The following RNF213 variants were observed in gnomAD, a reference collection of about 807,000 sequenced individuals.
RNF213 encodes the protein E3 ubiquitin-protein ligase RNF213.
RNF213 carries 341 observed loss-of-function variants against 514.4 expected under a neutral mutation model. That is an observed-to-expected ratio of 0.66 (90% CI 0.61 to 0.73). The LOEUF (loss-of-function observed/expected upper bound fraction) is 0.73. RNF213 is among the 30% of genes least tolerant of loss of function. The probability of loss-of-function intolerance (pLI) is 0.00; values close to 1 mark genes in which losing one functional copy is unlikely to be tolerated. For missense variants in RNF213, 5,767 were observed against 6,615.6 expected (o/e 0.87, Z 4.45); for synonymous variants, 2,655 against 2,658.2 (o/e 1.00, Z 0.04).
rs994692875 is a variant in RNF213 at position 80,264,019 on chromosome 17, TCCGTCCCTCGTTCAGGC to T, written c.97+245_97+261del. The stretch of plus-strand genomic sequence containing the variant: ...AGCCAGGGGACCACCACCCAGTGCT[TCCGTCCCTCGTTCAGGC>T]CCGGCCTGAGTGAGCCCACCCGAGT... On this transcript the variant is annotated intron_variant, in intron 2 of 67. Coordinates refer to ENST00000582970, the MANE Select transcript of RNF213 (RefSeq NM_001256071.3). The surrounding 1 kb of genome is among the most constrained non-coding windows in gnomAD (Gnocchi z 5.0). Among the ~76,000 whole-genome samples, 32 of 152,286 alleles carry T rather than the reference TCCGTCCCTCGTTCAGGC, an allele frequency of 2.1e-4. No individual in the cohort carries two copies. The highest frequency in any genetic ancestry group is 1.0e-3 in the South Asian group (5 of 4,824).
chr17:80,287,585 C>T (rs193072671), intron 3 of RNF213, among the ~76,000 whole-genome samples: 8 of 152,328 alleles, frequency 5.3e-5, no homozygotes, highest in Admixed American at 4.6e-4. Flanking sequence ...CGGCCGTGAC[C>T]GTGCCGAGTG....
At position 80,353,633 on chromosome 17, in the gene RNF213, G is replaced by A; in HGVS notation, c.10545G>A (p.Val3515=). The change falls in exon 34 of 68, where the codon GTG becomes GTA. Residue 3515 remains valine, a synonymous_variant. Coordinates refer to ENST00000582970, the MANE Select transcript of RNF213 (RefSeq NM_001256071.3). The surrounding 1 kb of genome is among the most constrained non-coding windows in gnomAD (Gnocchi z 5.0). ...TGGAAACAGAAAGTTCTGAGAAGGT[G>A]GGAAAGGAAACCTCTGAACTCGGAG... is the stretch of plus-strand genomic sequence containing the variant. ...EAMETESSEK[V]GKETSELGGS... is the part of the protein sequence containing the mutation. 1 of 1,614,190 alleles carries A rather than the reference G, an allele frequency of 6.2e-7. No homozygotes were observed.
In RNF213 at chr17:80,360,054, A is replaced by AT. The variant is rs573580511; in HGVS notation, c.11055-5dup. The AT allele has an allele frequency of 1.1e-4, 177 of 1,613,778 alleles. No homozygotes were observed. In the Middle Eastern group the frequency reaches 1.6e-3, roughly 15 times the overall value. The stretch of plus-strand genomic sequence containing the variant: ...CCCTCTTCTTATCATCCCTCACCTT[A>AT]TTGCAGACATAAAGGTGAGATGGCC... On this transcript the variant is annotated splice_polypyrimidine_tract_variant and splice_region_variant and intron_variant, in intron 37 of 67. Transcript: ENST00000582970.
chr17:80,315,723 G>C (rs1190431679), intron 15 of RNF213: 6 of 149,112 alleles, frequency 4.0e-5, no homozygotes, highest in African/African-American at 1.5e-4. Context: ...TGATGGTGGA[G>C]GTACTGGAGG....
chr17:80,378,613 G>A (rs1358042118), intron 54 of RNF213, among the ~76,000 whole-genome samples: 1 of 152,148 alleles, frequency 6.6e-6, no homozygotes, highest in African/African-American at 2.4e-5. Flanking sequence ...ACTGTGCCCA[G>A]CCTGATACAC....
rs2080236217 is a variant in RNF213, at chr17:80,386,380, A to G, written c.14670A>G (p.Leu4890=). 1.2e-6 allele frequency: 2 copies of G among 1,614,184 alleles called. No individual in the cohort carries two copies. The highest frequency in any genetic ancestry group is 1.7e-5 in the Admixed American group (1 of 60,024). ...CTCTCGTCAGCTACTTGATTCGCCTACACAATGAAATTGTCTACGCCGTGG... is the reference window on the plus strand; with the variant it reads ...CTCTCGTCAGCTACTTGATTCGCCTGCACAATGAAATTGTCTACGCCGTGG... ...ATALVSYLIR[L]HNEIVYAVEK... The change falls in exon 62 of 68, where the codon CTA becomes CTG. Residue 4890 remains leucine (L), a synonymous_variant. Coordinates refer to ENST00000582970, the MANE Select transcript of RNF213 (RefSeq NM_001256071.3).
At chr17:80,328,576 GA>G in intron 20 of RNF213, 99 bp downstream of exon 20, 10 of 1,281,574 alleles carry the variant, frequency 7.8e-6, no homozygotes, top group Non-Finnish European at 1.0e-5. Flanking sequence ...ATTTTGGAGA[GA>G]AGGCTTTAAA....
Position 80,386,264 on chromosome 17 carries a change from C to A in RNF213, c.14554C>A (p.Pro4852Thr), listed in dbSNP as rs2080231431. 1.2e-6 allele frequency: 2 copies of A among 1,609,994 alleles called. No homozygotes were observed. The highest frequency in any genetic ancestry group is 1.7e-6 in the Non-Finnish European group (2 of 1,179,944). Residue 4852 changes from proline (P) to threonine (T), a missense_variant, in exon 62 of 68, where the codon CCC becomes ACC. By Grantham distance (38) the Pro-to-Thr change is conservative. Around this residue, in one of 13 missense-constraint regions of RNF213, gnomAD observed 1,245 missense variants for 1,339.0 expected, o/e 0.93. Coordinates refer to ENST00000582970, the MANE Select transcript of RNF213 (RefSeq NM_001256071.3). ...GTCGTTTAAAGGTGAGATCAACCTACCCAAAGACTACTGCAGCACTGACTT... is the reference window on the plus strand; with the variant it reads ...GTCGTTTAAAGGTGAGATCAACCTAACCAAAGACTACTGCAGCACTGACTT... ...SLETNGEINL[P>T]KDYCSTDLDL...
chr17:80,374,163 G>T (rs540925952), intron 49 of RNF213, among the ~76,000 whole-genome samples: 2 of 152,204 alleles, frequency 1.3e-5, no homozygotes, highest in Non-Finnish European at 2.9e-5. Context: ...GACATGACTT[G>T]AGCCACCCGG....
chr17:80,276,717 C>T (rs981141750), intron 3 of RNF213, among the ~76,000 whole-genome samples: 3 of 151,560 alleles, frequency 2.0e-5, no homozygotes, highest in Non-Finnish European at 2.9e-5. Context: ...ACGCTGCAGC[C>T]GTTAAGGAAG....
chr17:80,295,998 T>C (rs2143406258), intron 10 of RNF213, among the ~76,000 whole-genome samples, 185 bp downstream of exon 10: 1 of 152,278 alleles, frequency 6.6e-6, no homozygotes, highest in South Asian at 2.1e-4. Flanking sequence ...TTTTATTATA[T>C]TCTGTCCTCT....
At position 80,373,049 on chromosome 17, in the gene RNF213, C is replaced by T. The variant is rs368452961; in HGVS notation, c.12826C>T (p.Arg4276Trp). Residue 4276 changes from arginine to tryptophan, a missense_variant, in exon 49 of 68, where the codon CGG becomes TGG. Arg to Trp is a moderately radical substitution (Grantham distance 101). This residue lies in a region of RNF213 where 1,245 missense variants were observed against 1,339.0 expected (regional missense o/e 0.93). Transcript: ENST00000582970. ...TATCCGGGTGGAGAACGACTGGCAC[C>T]GGGTGTACCTGGTGCGGAAGCTCAG... Reference protein sequence around the residue: ...FCIRVENDWHRVYLVRKLSSQ... With the variant: ...FCIRVENDWHWVYLVRKLSSQ... 1.1e-5 allele frequency: 17 copies of T among 1,613,870 alleles called. No homozygotes were observed. In the Admixed American group the frequency reaches 1.2e-4, roughly 11 times the overall value.
At chr17:80,375,160 A>C (rs1441165117) in intron 50 of RNF213, 6 of 176,246 alleles carry the variant, frequency 3.4e-5, no homozygotes, top group Non-Finnish European at 7.4e-5. Flanking sequence ...TGAAGGAGTC[A>C]GAAGAACAGA....
intron 3 of RNF213, among the ~76,000 whole-genome samples, chr17:80,275,048 T>G: frequency 9.9e-6 from 1 of 101,240 alleles, no homozygotes; most frequent in Non-Finnish European, 1.9e-5. Flanking sequence ...GTTGGGGGTG[T>G]GTGTTGGTGT....
At chr17:80,381,439 G>A (rs368110355) in intron 56 of RNF213, 108 bp from the exon 57 acceptor site, 31 of 1,190,152 alleles carry the variant, frequency 2.6e-5, no homozygotes, top group Admixed American at 2.5e-4. Flanking sequence ...CTTAGAAACC[G>A]CCTTCCGACT....
intron 16 of RNF213, among the ~76,000 whole-genome samples, chr17:80,318,858 C>G (rs2046039600): frequency 6.6e-6 from 1 of 152,210 alleles, no homozygotes; most frequent in Non-Finnish European, 1.5e-5. Flanking sequence ...CAGGCGTGAG[C>G]CACCGCGCCC....
chr17:80,348,100 A>G lies in RNF213; in HGVS notation c.9765A>G (p.Lys3255=), dbSNP rs2078376163. The change falls in exon 29 of 68, where the codon AAA becomes AAG. Residue 3255 remains lysine (K), a synonymous_variant. Coordinates refer to ENST00000582970, the MANE Select transcript of RNF213 (RefSeq NM_001256071.3). ...ELHQKVSEEA[K]SILLNCATPD... ...ACCAGAAGGTGTCTGAGGAGGCCAA[A>G]TCGATCCTGCTGAACTGCGCTACGC... 2 of 1,614,130 alleles carry G rather than the reference A, an allele frequency of 1.2e-6. No individual in the cohort carries two copies. The highest frequency in any genetic ancestry group is 2.7e-5 in the African/African-American group (2 of 75,070).
intron 36 of RNF213, among the ~76,000 whole-genome samples, chr17:80,355,582 G>A (rs2078749260): frequency 2.1e-5 from 2 of 94,008 alleles, no homozygotes; most frequent in South Asian, 3.7e-4. Context: ...CGGGGTGAGT[G>A]GGAATGGGGG....
chr17:80,354,485 A>G lies in RNF213; in HGVS notation c.10771A>G (p.Lys3591Glu). Reference protein sequence around the residue: ...VSKMRLSVFLKKQEESQFHPL... With the variant: ...VSKMRLSVFLEKQEESQFHPL... ...CAAGATGCGCCTCAGTGTCTTTTTAAAGAAGCAAGAAGAGAGCCAGTTTCA... is the reference window on the plus strand; with the variant it reads ...CAAGATGCGCCTCAGTGTCTTTTTAGAGAAGCAAGAAGAGAGCCAGTTTCA... The change falls in exon 36 of 68, where the codon AAG (lysine) becomes GAG (glutamate). Residue 3591 changes from lysine (K) to glutamate (E), a missense_variant. Lys to Glu is a moderately conservative substitution (Grantham distance 56). Transcript: ENST00000582970. The G allele has an allele frequency of 6.2e-7, 1 of 1,614,196 alleles. No individual in the cohort carries two copies. The highest frequency in any genetic ancestry group is 2.2e-5 in the East Asian group (1 of 44,878).
Sources: gnomAD v4.1 joint callset for allele counts (sites outside exome capture counted in the v4.1 genomes callset) on GRCh38, gnomAD v4.1.1 for gene constraint, gnomAD v4.1.1 regional missense constraint, Gnocchi (gnomAD v3.1) non-coding constraint, MANE v1.5 for transcripts, NCBI Gene and HGNC (gene_info 2026-07-23, HGNC 2026-07-21) for gene names.